Variants in TMEM132D observed in about 807,000 individuals in gnomAD.
The protein encoded by TMEM132D is transmembrane protein 132D, also known as mature OL transmembrane protein.
Under a neutral mutation model 62.3 loss-of-function variants are expected in TMEM132D, and 21 were observed. The ratio of observed to expected loss-of-function variants is 0.34; its 90% CI spans 0.24 to 0.49. The LOEUF (loss-of-function observed/expected upper bound fraction) is 0.49. Among genes scored for constraint, TMEM132D ranks in the 20% least tolerant of loss-of-function variants. The pLI, the probability that TMEM132D is intolerant of heterozygous loss-of-function variation, is 0.99. For missense variants in TMEM132D, 1,346 were observed against 1,402.8 expected (o/e 0.96, Z 0.65); for synonymous variants, 621 against 575.6 (o/e 1.08, Z -1.13).
chr12:129,383,009 T>C (rs111915092), intron 3 of TMEM132D, among the ~76,000 whole-genome samples: 2,403 of 151,716 alleles, frequency 0.016, 69 homozygotes, highest in African/African-American at 0.055. Context: ...GATCATTGGG[T>C]CGCTAGGCTG....
At chr12:129,633,038 G>GT in intron 2 of TMEM132D, among the ~76,000 whole-genome samples, 1 of 152,090 alleles carries the variant, frequency 6.6e-6, no homozygotes, top group Non-Finnish European at 1.5e-5. Context: ...TGGCTTAAAT[G>GT]TTTTTTTCTG....
intron 5 of TMEM132D, among the ~76,000 whole-genome samples, chr12:129,176,291 T>C (rs1877903108): frequency 1.3e-5 from 2 of 152,160 alleles, no homozygotes; most frequent in African/African-American, 2.4e-5. Context: ...TCCCTGTATA[T>C]CCCACCCCCC....
chr12:129,838,392 G>A (rs886416087), intron 1 of TMEM132D, among the ~76,000 whole-genome samples: 4 of 152,218 alleles, frequency 2.6e-5, no homozygotes, highest in African/African-American at 9.6e-5. Flanking sequence ...TCTGGAAAGA[G>A]AGAGACAAAA....
At chr12:129,357,021 T>G (rs1427786182) in intron 3 of TMEM132D, among the ~76,000 whole-genome samples, 4 of 148,900 alleles carry the variant, frequency 2.7e-5, no homozygotes, top group Admixed American at 6.7e-5. Flanking sequence ...CCGAGGTGGG[T>G]GGATCACGAG....
At chr12:129,704,980 T>C (rs1021774826) in intron 1 of TMEM132D, among the ~76,000 whole-genome samples, 3 of 152,204 alleles carry the variant, frequency 2.0e-5, no homozygotes, top group African/African-American at 7.2e-5. Context: ...TCCTGAAGTA[T>C]TAAAAGTAAG....
intron 1 of TMEM132D, among the ~76,000 whole-genome samples, chr12:129,752,991 A>G (rs1870047937): frequency 6.6e-6 from 1 of 152,236 alleles, no homozygotes; most frequent in African/African-American, 2.4e-5. Flanking sequence ...TGGACAGGCA[A>G]AAGACACAGA....
intron 3 of TMEM132D, among the ~76,000 whole-genome samples, chr12:129,424,968 CA>C (rs1326919035): frequency 1.3e-5 from 2 of 152,160 alleles, no homozygotes; most frequent in African/African-American, 4.8e-5. Context: ...CAGCCTCAGG[CA>C]ACCACTAATC....
chr12:129,298,530 C>G (rs1881630842), intron 4 of TMEM132D, among the ~76,000 whole-genome samples: 1 of 152,080 alleles, frequency 6.6e-6, no homozygotes, highest in Non-Finnish European at 1.5e-5. Context: ...CGTCATCACC[C>G]CACCATGCAG....
At chr12:129,705,254 C>T (rs994914158) in intron 1 of TMEM132D, among the ~76,000 whole-genome samples, 10 of 152,110 alleles carry the variant, frequency 6.6e-5, no homozygotes, top group Non-Finnish European at 1.2e-4. Flanking sequence ...AAAACATTCC[C>T]GGGTTTATAT....
chr12:129,084,769 A>G (rs538831897), intron 5 of TMEM132D, 67 bp from the exon 6 acceptor site: 1 of 1,513,886 alleles, frequency 6.6e-7, no homozygotes, highest in African/African-American at 1.4e-5. Flanking sequence ...TGGCCCAAGG[A>G]GGAGGAAAGG....
intron 5 of TMEM132D, among the ~76,000 whole-genome samples, chr12:129,143,478 C>A (rs141035748): frequency 7.9e-5 from 12 of 152,124 alleles, no homozygotes; most frequent in Non-Finnish European, 1.5e-4. Context: ...CCAGCATATG[C>A]GGCAGGACTG....
chr12:129,831,429 T>C (rs1401760535), intron 1 of TMEM132D, among the ~76,000 whole-genome samples: 1 of 152,182 alleles, frequency 6.6e-6, no homozygotes, highest in Non-Finnish European at 1.5e-5. Context: ...CTGTGGTCTT[T>C]GATGCCAAGT....
intron 1 of TMEM132D, among the ~76,000 whole-genome samples, chr12:129,863,113 T>C (rs1025235534): frequency 1.3e-5 from 2 of 152,148 alleles, no homozygotes; most frequent in African/African-American, 4.8e-5. Flanking sequence ...ATCAGACAAA[T>C]GTGGGCTGTG....
chr12:129,242,383 G>A (rs896962392), intron 4 of TMEM132D, among the ~76,000 whole-genome samples: 10 of 152,162 alleles, frequency 6.6e-5, no homozygotes, highest in African/African-American at 1.2e-4. Context: ...TTATGTCTAC[G>A]TAGACCTTTT....
chr12:129,109,358 T>C (rs1338742927), intron 5 of TMEM132D, among the ~76,000 whole-genome samples: 1 of 152,174 alleles, frequency 6.6e-6, no homozygotes, highest in Non-Finnish European at 1.5e-5. Context: ...CTCTGCAAAA[T>C]GGGGATGGTG....
intron 1 of TMEM132D, among the ~76,000 whole-genome samples, chr12:129,814,022 G>C (rs751546778): frequency 1.3e-5 from 2 of 152,104 alleles, no homozygotes; most frequent in African/African-American, 4.8e-5. Context: ...CCTCACTGAG[G>C]TCTGATGGAA....
intron 2 of TMEM132D, among the ~76,000 whole-genome samples, chr12:129,578,365 CTGAT>C (rs1231718469): frequency 6.6e-6 from 1 of 150,460 alleles, no homozygotes; most frequent in East Asian, 2.0e-4. Flanking sequence ...CTATGTATAT[CTGAT>C]TGGTTCTGTT....
At position 129,244,457 on chromosome 12, in the gene TMEM132D, C is replaced by A. The variant is rs116038110; in HGVS notation, c.1300-34794G>T. 3.8e-3 allele frequency among the ~76,000 whole-genome samples: 571 copies of A among 150,064 alleles called. 6 individuals carry two copies. Among genetic ancestry groups the A allele is most frequent in the African/African-American group, 0.013 (540 of 40,716 alleles). Reference sequence around the variant, plus strand: ...CTTATTCATTTGTTCATTCAGCAAACTTCTTGCTCCTACGGTGCATAGACA... The same window carrying A: ...CTTATTCATTTGTTCATTCAGCAAAATTCTTGCTCCTACGGTGCATAGACA... On this transcript the variant is annotated intron_variant, in intron 4 of 8. Coordinates refer to ENST00000422113, the MANE Select transcript of TMEM132D (RefSeq NM_133448.3).
At chr12:129,548,551 T>A (rs1173040254) in intron 2 of TMEM132D, among the ~76,000 whole-genome samples, 1 of 152,216 alleles carries the variant, frequency 6.6e-6, no homozygotes, top group Non-Finnish European at 1.5e-5. Flanking sequence ...ATATTGGATA[T>A]TAGGACCTAG....
Sources: gnomAD v4.1 joint callset for allele counts (sites outside exome capture counted in the v4.1 genomes callset) on GRCh38, gnomAD v4.1.1 for gene constraint, MANE v1.5 for transcripts, NCBI Gene and HGNC (gene_info 2026-07-23, HGNC 2026-07-21) for gene names.